The following RIMS1 variants were observed in gnomAD, a reference collection of about 807,000 sequenced individuals.
The protein encoded by RIMS1 is regulating synaptic membrane exocytosis protein 1.
A neutral mutation model predicts 214.1 loss-of-function variants in RIMS1; 83 were observed. That is an observed-to-expected ratio of 0.39 (90% CI 0.32 to 0.47). RIMS1 has a LOEUF of 0.47. RIMS1 is among the 20% of genes least tolerant of loss of function. The pLI is 0.99. For missense variants in RIMS1, 2,050 were observed against 2,161.8 expected (o/e 0.95, Z 1.03); for synonymous variants, 793 against 786.8 (o/e 1.01, Z -0.13).
intron 2 of RIMS1, among the ~76,000 whole-genome samples, chr6:72,038,118 A>ATATATATATATATAT (rs1326074998): frequency 7.5e-5 from 1 of 13,420 alleles, no homozygotes; most frequent in African/African-American, 3.3e-4. Flanking sequence ...AAAAAAAAAA[A>ATATATATATATATAT]ATATATATAT....
chr6:72,169,500 A>G (rs987471527), intron 4 of RIMS1, among the ~76,000 whole-genome samples: 4 of 152,020 alleles, frequency 2.6e-5, no homozygotes, highest in African/African-American at 9.7e-5. Context: ...TACAAATAGG[A>G]AAAAGACCAG....
intron 6 of RIMS1, chr6:72,213,192 G>C: frequency 6.5e-7 from 1 of 1,536,284 alleles, no homozygotes; most frequent in Non-Finnish European, 8.7e-7. Context: ...TTCCGAAGAG[G>C]GAACAATTGA....
At chr6:72,373,977 G>A (rs2098296965) in intron 29 of RIMS1, among the ~76,000 whole-genome samples, 1 of 152,064 alleles carries the variant, frequency 6.6e-6, no homozygotes, top group South Asian at 2.1e-4. Flanking sequence ...TGCAGTGGCG[G>A]GATCTTGGCT....
intron 2 of RIMS1, among the ~76,000 whole-genome samples, chr6:72,081,542 A>G (rs1157540751): frequency 6.6e-6 from 1 of 152,160 alleles, no homozygotes; most frequent in Non-Finnish European, 1.5e-5. Flanking sequence ...AAGCATTATG[A>G]CACTTTTTTT....
chr6:72,114,404 TGTGGTTG>T lies in RIMS1; in HGVS notation c.471+14419_471+14425del, dbSNP rs558251857. ...TCTATACATCATAAAGTTGACAGCATGTGGTTGAAAATCCAGGGCACATACCTCAGAG... is the reference window on the plus strand; with the variant it reads ...TCTATACATCATAAAGTTGACAGCATAAAATCCAGGGCACATACCTCAGAG... On this transcript the variant is annotated intron_variant, in intron 4 of 33. Transcript: ENST00000521978. Among the ~76,000 whole-genome samples the T allele has an allele frequency of 1.6e-3, 250 of 152,108 alleles. 1 individual carries two copies. The highest frequency in any genetic ancestry group is 5.3e-3 in the African/African-American group (222 of 41,540).
intron 2 of RIMS1, among the ~76,000 whole-genome samples, chr6:71,990,716 C>A (rs978925144): frequency 6.6e-6 from 1 of 151,944 alleles, no homozygotes; most frequent in Non-Finnish European, 1.5e-5. Flanking sequence ...GTGTCCCTGA[C>A]AGGATGGGCA....
chr6:72,061,012 C>T (rs1827704374), intron 2 of RIMS1, among the ~76,000 whole-genome samples: 1 of 151,920 alleles, frequency 6.6e-6, no homozygotes, highest in Non-Finnish European at 1.5e-5. Context: ...TTGATATTTG[C>T]GTTTCAATTA....
chr6:71,983,825 A>G (rs1799136081), intron 2 of RIMS1, among the ~76,000 whole-genome samples: 1 of 152,212 alleles, frequency 6.6e-6, no homozygotes, highest in Non-Finnish European at 1.5e-5. Flanking sequence ...ATAGCAAACC[A>G]TCTTGTATAT....
rs61651151 is a variant in RIMS1, at chr6:72,196,580, CTTT to C, written c.1678+13452_1678+13454del. 2.2e-3 allele frequency among the ~76,000 whole-genome samples: 125 copies of C among 57,210 alleles called. 3 individuals carry two copies. The highest frequency in any genetic ancestry group is 8.7e-3 in the African/African-American group (110 of 12,672). The allele number at this position is 57,210 out of a possible 152,430, so 37.5% of individuals were successfully genotyped here. On this transcript the variant is annotated intron_variant, in intron 6 of 33. Coordinates refer to ENST00000521978, the MANE Select transcript of RIMS1 (RefSeq NM_014989.7). ...AGTACTGTGCTGGCAGCCAGCTGCA[CTTT>C]TTTTTTTTTTTTTTTTTTTTACCTA...
At chr6:72,344,532 A>G (rs1175653210) in intron 29 of RIMS1, among the ~76,000 whole-genome samples, 1 of 151,812 alleles carries the variant, frequency 6.6e-6, no homozygotes, top group East Asian at 1.9e-4. Context: ...TTTGTGCCTT[A>G]TTGCCTCATT....
At chr6:72,248,175 TGTCTGA>T in intron 12 of RIMS1, 48 bp downstream of exon 12, 1 of 1,076,374 alleles carries the variant, frequency 9.3e-7, no homozygotes, top group South Asian at 1.4e-5. Context: ...TTGCATACAC[TGTCTGA>T]GTCTGTCTTT....
At chr6:72,247,423 T>C (rs1339775836) in intron 11 of RIMS1, among the ~76,000 whole-genome samples, 1 of 151,262 alleles carries the variant, frequency 6.6e-6, no homozygotes, top group Non-Finnish European at 1.5e-5. Context: ...TAATCCCAGC[T>C]ACTCAGGAGG....
chr6:72,133,653 T>C (rs1209651058), intron 4 of RIMS1, among the ~76,000 whole-genome samples: 2 of 152,184 alleles, frequency 1.3e-5, no homozygotes, highest in South Asian at 2.1e-4. Flanking sequence ...AAATCTCAGC[T>C]CATCTACTCA....
At chr6:72,058,323 G>A (rs1022970414) in intron 2 of RIMS1, among the ~76,000 whole-genome samples, 1 of 152,178 alleles carries the variant, frequency 6.6e-6, no homozygotes, top group Non-Finnish European at 1.5e-5. Flanking sequence ...TTTCAGAGAT[G>A]ACACCCATCT....
intron 29 of RIMS1, among the ~76,000 whole-genome samples, chr6:72,382,538 G>A (rs1426388703): frequency 6.6e-6 from 1 of 152,166 alleles, no homozygotes; most frequent in Non-Finnish European, 1.5e-5. Context: ...GGGTAAAATT[G>A]TATAAGGAAG....
At chr6:72,202,836 C>CCTCT (rs10641277) in intron 6 of RIMS1, among the ~76,000 whole-genome samples, 107,056 of 151,338 alleles carry the variant, frequency 0.71, 38,184 homozygotes, top group East Asian at 0.84. Flanking sequence ...TTACTTAACC[C>CCTCT]CTAAGTCTCA....
chr6:71,963,004 G>C (rs1221013660), intron 1 of RIMS1, among the ~76,000 whole-genome samples: 1 of 152,002 alleles, frequency 6.6e-6, no homozygotes, highest in East Asian at 1.9e-4. Flanking sequence ...GTAATATTTC[G>C]TGAATATGGT....
chr6:72,028,024 A>G (rs1465009337), intron 2 of RIMS1, among the ~76,000 whole-genome samples: 1 of 152,184 alleles, frequency 6.6e-6, no homozygotes, highest in East Asian at 1.9e-4. Context: ...GATTAAAGAA[A>G]AGCCTAATCA....
chr6:72,249,633 A>G lies in RIMS1; in HGVS notation c.2242-697A>G, dbSNP rs559702042. Among the ~76,000 whole-genome samples, 5 of 152,200 alleles carry G rather than the reference A, an allele frequency of 3.3e-5. No individual in the cohort carries two copies. In the East Asian group the frequency reaches 9.7e-4, roughly 29 times the overall value. On this transcript the variant is annotated intron_variant, in intron 12 of 33. Coordinates refer to ENST00000521978, the MANE Select transcript of RIMS1 (RefSeq NM_014989.7). ...AAAAAATTTAAAAAACTGGCCAGAC[A>G]TGATGATGTACACCTGTGGTTCCAT...
Sources: allele counts gnomAD v4.1 joint callset (sites outside exome capture counted in the v4.1 genomes callset), GRCh38; gene constraint gnomAD v4.1.1; transcripts MANE v1.5; gene names NCBI Gene and HGNC (gene_info 2026-07-23, HGNC 2026-07-21).